Variants in PCDHGB7 observed in about 807,000 individuals in gnomAD.
The protein encoded by PCDHGB7 is protocadherin gamma subfamily B, 7.
Under a neutral mutation model 61.4 loss-of-function variants are expected in PCDHGB7, and 37 were observed. The observed-to-expected ratio is 0.60, with a 90% CI of 0.46 to 0.79. PCDHGB7 has a LOEUF of 0.79. Ranked by LOEUF, PCDHGB7 falls within the 30% of genes least tolerant of loss-of-function variation. PCDHGB7 has a pLI of 0.00. For synonymous variants in PCDHGB7, 464 were observed against 503.5 expected (o/e 0.92, Z 1.05); for missense variants, 1,166 against 1,202.5 (o/e 0.97, Z 0.45).
chr5:141,458,888 T>C (rs756640295), intron 1 of PCDHGB7, among the ~76,000 whole-genome samples: 3 of 152,118 alleles, frequency 2.0e-5, no homozygotes, highest in Non-Finnish European at 2.9e-5. Flanking sequence ...ATGCACACCA[T>C]GCGCAGCTAA....
intron 1 of PCDHGB7, among the ~76,000 whole-genome samples, chr5:141,460,951 G>GTATATA (rs200454978): frequency 7.2e-6 from 1 of 139,722 alleles, no homozygotes; most frequent in African/African-American, 2.8e-5. Flanking sequence ...TATGTATTAT[G>GTATATA]TATATATATA....
rs758417744 is a variant in PCDHGB7, at chr5:141,430,916, G to A, written c.2415+10642G>A. On this transcript the variant is annotated intron_variant, in intron 1 of 3. Coordinates refer to ENST00000398594, the MANE Select transcript of PCDHGB7 (RefSeq NM_018927.4). ...GGTGGGCGACATCTCCAGGGACCTG[G>A]GGCTGGAGCCCCGGGAGCTCGCGGA... The A allele has an allele frequency of 1.9e-6, 3 of 1,607,878 alleles. No individual in the cohort carries two copies. The East Asian group carries it at 6.7e-5, about 36-fold the overall frequency.
At position 141,476,827 on chromosome 5, in the gene PCDHGB7, G is replaced by A; in HGVS notation, c.2416-17980G>A. On this transcript the variant is annotated intron_variant, in intron 1 of 3. Transcript: ENST00000398594. The surrounding 1 kb of genome is among the most constrained non-coding windows in gnomAD (Gnocchi z 7.6). ...CTATTCACATCAAGGTGCTGGACGC[G>A]AATGACAATGCGCCTGTCTTCAACC... The A allele has an allele frequency of 1.2e-6, 2 of 1,613,542 alleles. No individual in the cohort carries two copies. Among genetic ancestry groups the A allele is most frequent in the Non-Finnish European group, 1.7e-6 (2 of 1,180,046 alleles).
At position 141,420,242 on chromosome 5, in the gene PCDHGB7, A is replaced by T. The variant is rs1241562871; in HGVS notation, c.2383A>T (p.Ser795Cys). Residue 795 changes from serine to cysteine, a missense_variant, in exon 1 of 4, where the codon AGC becomes TGC. Ser to Cys is a moderately radical substitution (Grantham distance 112). Transcript: ENST00000398594. ...GCTACTGGCTAGCATTTTAACTCCC[A>T]GCGTTGAAGCAGATAAGAAGATTCT... Reference protein sequence around the residue: ...SMLLASILTPSVEADKKILKQ... With the variant: ...SMLLASILTPCVEADKKILKQ... 6.3e-7 allele frequency: 1 copy of T among 1,586,666 alleles called. No individual in the cohort carries two copies. The highest frequency in any genetic ancestry group is 8.6e-7 in the Non-Finnish European group (1 of 1,165,244).
In PCDHGB7 at chr5:141,485,701, A is replaced by G. The variant is rs747748476; in HGVS notation, c.2416-9106A>G. The G allele has an allele frequency of 1.9e-6, 3 of 1,614,104 alleles. No homozygotes were observed. Among genetic ancestry groups the G allele is most frequent in the Non-Finnish European group, 2.5e-6 (3 of 1,180,010 alleles). On this transcript the variant is annotated intron_variant, in intron 1 of 3. Transcript: ENST00000398594. The surrounding 1 kb of genome is among the most constrained non-coding windows in gnomAD (Gnocchi z 5.7). ...GCAGCTATAGGCTGAGCTCCAATGAACACTTTGCACTGGATGTGAAGAAGC... is the reference window on the plus strand; with the variant it reads ...GCAGCTATAGGCTGAGCTCCAATGAGCACTTTGCACTGGATGTGAAGAAGC...
chr5:141,477,432 C>T lies in PCDHGB7; in HGVS notation c.2416-17375C>T, dbSNP rs1184041591. 6.2e-7 allele frequency: 1 copy of T among 1,614,186 alleles called. No individual in the cohort carries two copies. Among genetic ancestry groups the T allele is most frequent in the Admixed American group, 1.7e-5 (1 of 60,028 alleles). ...GACGCCGGAACCCCTTCCCTCTCAG[C>T]CCTTACAATAGTGCGTGTTCAAGTG... On this transcript the variant is annotated intron_variant, in intron 1 of 3. Transcript: ENST00000398594. This position sits in a 1 kb window ranked among gnomAD's most constrained non-coding sequence, Gnocchi z 4.9.
At chr5:141,427,599 C>T (rs1233253295) in intron 1 of PCDHGB7, 3 of 682,980 alleles carry the variant, frequency 4.4e-6, no homozygotes, top group South Asian at 3.0e-5. Flanking sequence ...CCTCACCCTA[C>T]GCATTGGTGA....
Position 141,485,011 on chromosome 5 carries a change from C to G in PCDHGB7, c.2416-9796C>G, listed in dbSNP as rs2099605048. 3.2e-6 allele frequency: 2 copies of G among 631,064 alleles called. No homozygotes were observed. The highest frequency in any genetic ancestry group is 5.5e-5 in the East Asian group (2 of 36,662). The allele number at this position is 631,064 out of a possible 1,614,324, so 39.1% of individuals were successfully genotyped here. A position where few individuals can be genotyped will look rare whatever the true frequency, so the allele number is the denominator to read the frequency against. Reference sequence around the variant, plus strand: ...TGGTGAAAGGCAGACAAATCTACCCCGCCACCAGCAAAAACGGCGCGTAAC... The same window carrying G: ...TGGTGAAAGGCAGACAAATCTACCCGGCCACCAGCAAAAACGGCGCGTAAC... On this transcript the variant is annotated intron_variant, in intron 1 of 3. Coordinates refer to ENST00000398594, the MANE Select transcript of PCDHGB7 (RefSeq NM_018927.4). This position sits in a 1 kb window ranked among gnomAD's most constrained non-coding sequence, Gnocchi z 5.7.
intron 1 of PCDHGB7, among the ~76,000 whole-genome samples, chr5:141,455,445 C>T (rs1175054167): frequency 6.6e-6 from 1 of 152,134 alleles, no homozygotes; most frequent in Non-Finnish European, 1.5e-5. Context: ...TCCCCATCTA[C>T]CGCGGATACC....
intron 1 of PCDHGB7, among the ~76,000 whole-genome samples, chr5:141,454,204 T>G (rs1161344350): frequency 3.3e-5 from 5 of 152,170 alleles, no homozygotes; most frequent in Non-Finnish European, 1.5e-5. Context: ...GTGAATTTAT[T>G]GACATGAATG....
chr5:141,478,116 C>T (rs145816520), intron 1 of PCDHGB7: 1 of 1,613,974 alleles, frequency 6.2e-7, no homozygotes, highest in Non-Finnish European at 8.5e-7. Flanking sequence ...GTGTCAGTAA[C>T]CGAGGACTCT....
chr5:141,500,189 TTTA>T (rs780229863), intron 2 of PCDHGB7, among the ~76,000 whole-genome samples: 5,656 of 110,928 alleles, frequency 0.051, 122 homozygotes, highest in Middle Eastern at 0.14. Context: ...TTTATTTTTA[TTTA>T]TTTATTTATT....
chr5:141,444,341 T>C (rs909401337), intron 1 of PCDHGB7, among the ~76,000 whole-genome samples: 2 of 151,892 alleles, frequency 1.3e-5, no homozygotes, highest in African/African-American at 4.8e-5. Context: ...CCAGCTAATT[T>C]TGTATTTTTA....
intron 1 of PCDHGB7, among the ~76,000 whole-genome samples, chr5:141,472,994 A>AAAAG (rs1425445230): frequency 1.3e-5 from 2 of 151,692 alleles, no homozygotes; most frequent in Non-Finnish European, 2.9e-5. Context: ...AAAAAAAAAA[A>AAAAG]AAAGAAAGAA....
At position 141,489,077 on chromosome 5, in the gene PCDHGB7, C is replaced by T. The variant is rs957205894; in HGVS notation, c.2416-5730C>T. 7 of 325,682 alleles carry T rather than the reference C, an allele frequency of 2.1e-5. 1 individual carries two copies. Among genetic ancestry groups the T allele is most frequent in the South Asian group, 1.5e-4 (3 of 20,214 alleles). 20.2% of individuals were successfully genotyped at this position (325,682 alleles called of 1,614,324 possible). The stretch of plus-strand genomic sequence containing the variant: ...AGCTCCCCTCCCCCCTGCCCACCCC[C>T]GCCACTCGGTGACTAAGAACTGCTG... On this transcript the variant is annotated intron_variant, in intron 1 of 3. Transcript: ENST00000398594. This position sits in a 1 kb window ranked among gnomAD's most constrained non-coding sequence, Gnocchi z 4.5.
intron 1 of PCDHGB7, among the ~76,000 whole-genome samples, chr5:141,475,253 A>C (rs2099360990): frequency 6.6e-6 from 1 of 152,200 alleles, no homozygotes; most frequent in Non-Finnish European, 1.5e-5. Flanking sequence ...GTGCTCTACA[A>C]CTGAGATCAT....
chr5:141,426,589 T>G (rs2096945227), intron 1 of PCDHGB7: 1 of 369,180 alleles, frequency 2.7e-6, no homozygotes, highest in South Asian at 2.0e-5. Context: ...ATCCTCTGTG[T>G]CATACCCTTA....
rs777168071 is a variant in PCDHGB7 at position 141,477,745 on chromosome 5, C to A, written c.2416-17062C>A. The A allele has an allele frequency of 5.0e-6, 8 of 1,613,682 alleles. No homozygotes were observed. The highest frequency in any genetic ancestry group is 6.8e-6 in the Non-Finnish European group (8 of 1,180,042). On this transcript the variant is annotated intron_variant, in intron 1 of 3. Transcript: ENST00000398594. The surrounding 1 kb of genome is among the most constrained non-coding windows in gnomAD (Gnocchi z 4.9). ...TAACAGCTCATATCAGCGATGGGGG[C>A]ACCCCGGTCCTAGCCACCAACATCA...
At chr5:141,444,002 C>T (rs2098413409) in intron 1 of PCDHGB7, among the ~76,000 whole-genome samples, 1 of 151,918 alleles carries the variant, frequency 6.6e-6, no homozygotes, top group African/African-American at 2.4e-5. Flanking sequence ...TAAATGCTAC[C>T]TGGGTATTGG....
Sources: allele counts gnomAD v4.1 joint callset (sites outside exome capture counted in the v4.1 genomes callset), GRCh38; gene constraint gnomAD v4.1.1; non-coding constraint Gnocchi (gnomAD v3.1); transcripts MANE v1.5; gene names NCBI Gene and HGNC (gene_info 2026-07-23, HGNC 2026-07-21).